TTC34: variants seen among roughly 807,000 people sequenced by gnomAD.
TTC34 encodes the protein tetratricopeptide repeat domain 34.
Under a neutral mutation model 40.7 loss-of-function variants are expected in TTC34, and 44 were observed. The observed-to-expected ratio is 1.08, with a 90% CI of 0.85 to 1.39. The LOEUF (loss-of-function observed/expected upper bound fraction) is 1.39. TTC34 is among the 40% of genes most tolerant of loss of function. The pLI, the probability that TTC34 is intolerant of heterozygous loss-of-function variation, is 0.00. For missense variants in TTC34, 884 were observed against 838.0 expected (o/e 1.05, Z -0.68); for synonymous variants, 422 against 398.6 (o/e 1.06, Z -0.70).
At chr1:2,687,267 C>T (rs562865671) in intron 6 of TTC34, among the ~76,000 whole-genome samples, 1 of 133,980 alleles carries the variant, frequency 7.5e-6, no homozygotes, top group Non-Finnish European at 1.6e-5. Flanking sequence ...ATCTGATGGT[C>T]TGGAGCAGCA....
intron 3 of TTC34, among the ~76,000 whole-genome samples, chr1:2,788,120 C>A (rs1256075073): frequency 1.3e-5 from 2 of 152,234 alleles, no homozygotes; most frequent in African/African-American, 4.8e-5. Context: ...TGAGTGCTCA[C>A]TGGGAAATGG....
rs1553171534 is a variant in TTC34, at chr1:2,792,033, T to TTTTTTTTTTTTTTTTTTTTTTTTA, written c.785-1688_785-1687insTAAAAAAAAAAAAAAAAAAAAAAA. Among the ~76,000 whole-genome samples, 6 of 107,104 alleles carry TTTTTTTTTTTTTTTTTTTTTTTTA rather than the reference T, an allele frequency of 5.6e-5. 1 individual carries two copies. The highest frequency in any genetic ancestry group is 2.9e-4 in the East Asian group (1 of 3,484). The allele number at this position is 107,104 out of a possible 152,430, so 70.3% of individuals were successfully genotyped here. On this transcript the variant is annotated intron_variant, in intron 2 of 8. Transcript: ENST00000401095. ...TTTTTTTTTTTTTTTTTTTTTTTTT[T>TTTTTTTTTTTTTTTTTTTTTTTTA]AAAGACAGGGTCTTGCTCCATCACC... is the stretch of plus-strand genomic sequence containing the variant.
At chr1:2,686,965 G>A (rs1457875191) in intron 6 of TTC34, among the ~76,000 whole-genome samples, 1,353 of 28,736 alleles carry the variant, frequency 0.047, 8 homozygotes, top group African/African-American at 0.14. Context: ...CACCCACACT[G>A]CCAGGCGAGC....
At chr1:2,790,195 C>T (rs1643647827) in exon 3 of TTC34, 1 of 398,502 alleles carries the variant, frequency 2.5e-6, no homozygotes, top group Non-Finnish European at 4.4e-6. Flanking sequence ...GCTCCTGGTC[C>T]TGGACAGAGA....
chr1:2,684,600 C>A (rs1439630647), intron 6 of TTC34, among the ~76,000 whole-genome samples: 3 of 133,010 alleles, frequency 2.3e-5, no homozygotes, highest in African/African-American at 1.0e-4. Flanking sequence ...CCCATACCCC[C>A]AGGTGAGCAT....
At chr1:2,696,845 C>CCCA (rs1640891016) in intron 6 of TTC34, among the ~76,000 whole-genome samples, 1 of 36,158 alleles carries the variant, frequency 2.8e-5, no homozygotes, top group Non-Finnish European at 6.3e-5. Context: ...CCACACCTTC[C>CCCA]GGCGAGCATC....
chr1:2,800,368 C>A, exon 2 of TTC34: 1 of 398,500 alleles, frequency 2.5e-6, no homozygotes, highest in Non-Finnish European at 4.4e-6. Context: ...CCATCCGCTG[C>A]CTGCACCCCG....
intron 6 of TTC34, among the ~76,000 whole-genome samples, chr1:2,686,676 C>T (rs1570815066): frequency 6.7e-6 from 1 of 149,818 alleles, no homozygotes; most frequent in African/African-American, 2.5e-5. Context: ...GGAACAGCAC[C>T]CTGCACCCCC....
chr1:2,749,001 C>G (rs1641232487), intron 6 of TTC34, among the ~76,000 whole-genome samples: 2 of 113,060 alleles, frequency 1.8e-5, no homozygotes, highest in African/African-American at 3.8e-5. Context: ...AGCACCCACA[C>G]GCCCAGGTGA....
intron 6 of TTC34, among the ~76,000 whole-genome samples, chr1:2,691,346 AGGTGAG>A (rs1640609183): frequency 2.4e-5 from 2 of 82,382 alleles, no homozygotes; most frequent in Admixed American, 1.2e-4. Flanking sequence ...CCACACCCCC[AGGTGAG>A]CATCTGACAG....
intron 6 of TTC34, among the ~76,000 whole-genome samples, chr1:2,683,564 C>T (rs1349776257): frequency 9.0e-5 from 13 of 143,952 alleles, no homozygotes; most frequent in South Asian, 4.3e-4. Context: ...CACAGGTGAG[C>T]ATCCGACAGC....
intron 6 of TTC34, among the ~76,000 whole-genome samples, chr1:2,649,073 G>A (rs768897229): frequency 1.5e-4 from 21 of 141,252 alleles, no homozygotes; most frequent in Middle Eastern, 5.0e-3. Flanking sequence ...AGCCTGGAAC[G>A]GCACCTTCCA....
At chr1:2,767,634 A>G (rs1272614372) in intron 6 of TTC34, among the ~76,000 whole-genome samples, 2 of 89,338 alleles carry the variant, frequency 2.2e-5, no homozygotes, top group African/African-American at 1.1e-4. Flanking sequence ...GTATGGAATG[A>G]CATCCTCACA....
intron 4 of TTC34, 41 bp downstream of exon 4, chr1:2,787,440 C>T: frequency 6.9e-7 from 1 of 1,439,188 alleles, no homozygotes; most frequent in Non-Finnish European, 9.2e-7. Flanking sequence ...CCAGCTGGGC[C>T]CATTTCCACC....
In TTC34 at chr1:2,789,498, C is replaced by T; in HGVS notation, c.1628+5G>A. 6.6e-7 allele frequency: 1 copy of T among 1,507,208 alleles called. No homozygotes were observed. Among genetic ancestry groups the T allele is most frequent in the Non-Finnish European group, 8.8e-7 (1 of 1,131,942 alleles). 93.4% of individuals were successfully genotyped at this position (1,507,208 alleles called of 1,614,324 possible). A position where few individuals can be genotyped will look rare whatever the true frequency, so the allele number is the denominator to read the frequency against. ...CGGCCCCAGCGTGCCCGGGCGGGTC[C>T]TCACCCCTCCTGCGTGGTGGGGCCG... On this transcript the variant is annotated splice_donor_5th_base_variant and intron_variant, in intron 3 of 8. Coordinates refer to ENST00000401095, the Ensembl canonical transcript of TTC34.
Position 2,686,610 on chromosome 1 carries a change from G to A in TTC34, c.2227-41047C>T, listed in dbSNP as rs551160963. 1.6e-3 allele frequency among the ~76,000 whole-genome samples: 238 copies of A among 146,174 alleles called. 5 individuals are homozygous for A. Among genetic ancestry groups the A allele is most frequent in the African/African-American group, 5.9e-3 (225 of 37,870 alleles). On this transcript the variant is annotated intron_variant, in intron 6 of 8. Transcript: ENST00000401095. ...TGGAACAGCACACACACCCCCAGGC[G>A]AGCATCTGACAGCATGTAACAGCAC...
At chr1:2,750,720 C>G (rs1350949800) in intron 6 of TTC34, among the ~76,000 whole-genome samples, 11 of 48,066 alleles carry the variant, frequency 2.3e-4, no homozygotes, top group Admixed American at 6.5e-4. Flanking sequence ...TGGAGCAGCA[C>G]CCACACCCCC....
At chr1:2,801,347 AG>A (rs1210597277) in intron 1 of TTC34, among the ~76,000 whole-genome samples, 1 of 151,448 alleles carries the variant, frequency 6.6e-6, no homozygotes, top group African/African-American at 2.4e-5. Flanking sequence ...GGGCCATTCG[AG>A]GGGGGCGCCG....
chr1:2,789,069 C>A (rs1643628464), intron 3 of TTC34, among the ~76,000 whole-genome samples: 1 of 152,142 alleles, frequency 6.6e-6, no homozygotes, highest in Non-Finnish European at 1.5e-5. Flanking sequence ...CAGAGTAAGA[C>A]TCCATCTCAA....
Sources: allele counts gnomAD v4.1 joint callset (sites outside exome capture counted in the v4.1 genomes callset), GRCh38; gene constraint gnomAD v4.1.1; transcripts MANE v1.5; gene names NCBI Gene and HGNC (gene_info 2026-07-23, HGNC 2026-07-21).